The following TENM2 variants were observed in gnomAD, a reference collection of about 807,000 sequenced individuals.
The protein encoded by TENM2 is teneurin-2.
A neutral mutation model predicts 245.2 loss-of-function variants in TENM2; 52 were observed. That is an observed-to-expected ratio of 0.21 (90% confidence interval 0.17 to 0.27). The LOEUF is 0.27. TENM2 is among the 10% of genes least tolerant of loss of function. TENM2 has a pLI of 1.00. For missense variants in TENM2, 3,046 were observed against 3,666.8 expected (o/e 0.83, Z 4.37); for synonymous variants, 1,363 against 1,438.9 (o/e 0.95, Z 1.19).
the TENM2 span, among the ~76,000 whole-genome samples, chr5:167,095,474 A>T: frequency 6.6e-6 from 1 of 152,142 alleles, no homozygotes; most frequent in Admixed American, 6.5e-5. Context: ...GGCGGCAGGA[A>T]AATCCTGTAA....
intron 27 of TENM2, among the ~76,000 whole-genome samples, chr5:168,258,755 G>A (rs1468495156): frequency 1.3e-5 from 2 of 152,162 alleles, no homozygotes; most frequent in Non-Finnish European, 2.9e-5. Context: ...GGGTATGAGG[G>A]GCTTTGGGAG....
chr5:168,070,821 A>AGAGAGAGAGAGAGAGAG (rs1562121012), intron 7 of TENM2, among the ~76,000 whole-genome samples: 3 of 100,350 alleles, frequency 3.0e-5, no homozygotes, highest in African/African-American at 1.0e-4. Context: ...GAGAGAGAGA[A>AGAGAGAGAGAGAGAGAG]AAAAAGAAAG....
the TENM2 span, among the ~76,000 whole-genome samples, chr5:167,272,738 G>A: frequency 1.3e-5 from 2 of 152,166 alleles, no homozygotes; most frequent in East Asian, 3.9e-4. Context: ...GAAATAGCTG[G>A]CTTTCTTGAT....
chr5:167,472,351 A>G (rs563618099), intron 2 of TENM2, among the ~76,000 whole-genome samples: 58 of 152,190 alleles, frequency 3.8e-4, no homozygotes, highest in African/African-American at 1.4e-3. Context: ...AAAGTAAAAT[A>G]CTCTTCTTAA....
intron 2 of TENM2, among the ~76,000 whole-genome samples, chr5:167,860,042 C>T (rs1771588655): frequency 2.0e-5 from 2 of 101,998 alleles, no homozygotes; most frequent in African/African-American, 7.4e-5. Context: ...CCAGCCGCCC[C>T]GTCCGGGAGG....
At chr5:167,897,121 T>G (rs1244066770) in intron 3 of TENM2, among the ~76,000 whole-genome samples, 1 of 152,230 alleles carries the variant, frequency 6.6e-6, no homozygotes, top group African/African-American at 2.4e-5. Flanking sequence ...CTCCCCTCGC[T>G]TCCTGATTAA....
At chr5:168,082,029 C>A (rs1042063303) in intron 7 of TENM2, among the ~76,000 whole-genome samples, 1 of 152,212 alleles carries the variant, frequency 6.6e-6, no homozygotes, top group Non-Finnish European at 1.5e-5. Context: ...AGAGTGTTTT[C>A]CAACTTGGTT....
chr5:168,004,127 G>C (rs1324239137), intron 5 of TENM2, among the ~76,000 whole-genome samples: 1 of 152,180 alleles, frequency 6.6e-6, no homozygotes, highest in Non-Finnish European at 1.5e-5. Context: ...TGAAGCCAGA[G>C]AGCAAGTCTA....
chr5:167,324,798 T>C (rs78340770), intron 1 of TENM2, among the ~76,000 whole-genome samples: 1 of 152,164 alleles, frequency 6.6e-6, no homozygotes, highest in Non-Finnish European at 1.5e-5. Context: ...TTCAGGTACA[T>C]TGATTTAATG....
intron 2 of TENM2, 39 bp downstream of exon 4, chr5:167,375,512 A>T: frequency 6.5e-7 from 1 of 1,532,972 alleles, no homozygotes; most frequent in Non-Finnish European, 8.8e-7. Flanking sequence ...CGTTCTGTGC[A>T]CTGCACCACG....
At chr5:167,044,000 C>G in the TENM2 span, among the ~76,000 whole-genome samples, 1 of 147,740 alleles carries the variant, frequency 6.8e-6, no homozygotes, top group Non-Finnish European at 1.5e-5. Context: ...AGCCTGGTGA[C>G]AGAGCGAGAC....
chr5:167,371,652 C>T (rs374399888), intron 1 of TENM2, among the ~76,000 whole-genome samples: 1 of 152,064 alleles, frequency 6.6e-6, no homozygotes, highest in Non-Finnish European at 1.5e-5. Context: ...TGAGCCACTG[C>T]GCCCGGCCTG....
intron 5 of TENM2, among the ~76,000 whole-genome samples, chr5:167,996,205 A>T (rs1784037258): frequency 6.6e-6 from 1 of 152,102 alleles, no homozygotes; most frequent in Admixed American, 6.5e-5. Flanking sequence ...GGGCGGGTGT[A>T]AAAGCAGAAT....
chr5:167,076,348 A>G, the TENM2 span, among the ~76,000 whole-genome samples: 2 of 151,986 alleles, frequency 1.3e-5, no homozygotes, highest in Middle Eastern at 3.4e-3. Context: ...TGAAGATAAA[A>G]GAGAAAGACA....
At chr5:167,608,952 G>C (rs1181051240) in intron 2 of TENM2, among the ~76,000 whole-genome samples, 1 of 151,606 alleles carries the variant, frequency 6.6e-6, no homozygotes, top group Non-Finnish European at 1.5e-5. Context: ...AAGTTTTTCA[G>C]TTGAGGAAAT....
At chr5:168,070,584 C>T (rs939890328) in intron 7 of TENM2, among the ~76,000 whole-genome samples, 1 of 149,840 alleles carries the variant, frequency 6.7e-6, no homozygotes, top group Non-Finnish European at 1.5e-5. Flanking sequence ...ATATCAAGAC[C>T]GCCCTGGACA....
At chr5:168,225,979 G>A in intron 23 of TENM2, 109 bp from the exon 26 acceptor site, 3 of 1,055,166 alleles carry the variant, frequency 2.8e-6, no homozygotes, top group Non-Finnish European at 4.1e-6. Context: ...GCGCCACCCA[G>A]CCAACCCACC....
chr5:167,666,882 A>G (rs1264502670), intron 2 of TENM2, among the ~76,000 whole-genome samples: 1 of 152,148 alleles, frequency 6.6e-6, no homozygotes, highest in Non-Finnish European at 1.5e-5. Context: ...CCTATGTTGG[A>G]TTTTTGAATA....
At chr5:168,203,048 C>A (rs1342434475) in intron 17 of TENM2, among the ~76,000 whole-genome samples, 1 of 152,188 alleles carries the variant, frequency 6.6e-6, no homozygotes, top group Non-Finnish European at 1.5e-5. Context: ...CCTCTCTCTC[C>A]CATTTGTCCA....
Sources: allele counts gnomAD v4.1 joint callset (sites outside exome capture counted in the v4.1 genomes callset), GRCh38; gene constraint gnomAD v4.1.1; transcripts MANE v1.5; gene names NCBI Gene and HGNC (gene_info 2026-07-23, HGNC 2026-07-21).